The following HHAT variants were observed in gnomAD, a reference collection of about 807,000 sequenced individuals.
HHAT encodes protein-cysteine N-palmitoyltransferase HHAT.
A neutral mutation model predicts 70.8 loss-of-function variants in HHAT; 47 were observed. The observed-to-expected ratio is 0.66, with a 90% CI of 0.53 to 0.85. The LOEUF is 0.85. HHAT is among the 40% of genes least tolerant of loss of function. HHAT has a pLI of 0.00. For missense variants in HHAT, 609 were observed against 604.8 expected, an observed-to-expected ratio of 1.01 and a Z score of -0.07; for synonymous variants, 228 against 247.6, an observed-to-expected ratio of 0.92 and a Z score of 0.74.
chr1:210,604,042 C>T (rs1403100790), intron 10 of HHAT, among the ~76,000 whole-genome samples: 7 of 152,176 alleles, frequency 4.6e-5, no homozygotes, highest in African/African-American at 1.4e-4. Flanking sequence ...GTTCATCCAT[C>T]AAACTGACTG....
At chr1:210,436,259 G>C (rs1323050487) in intron 7 of HHAT, among the ~76,000 whole-genome samples, 1 of 151,600 alleles carries the variant, frequency 6.6e-6, no homozygotes, top group East Asian at 1.9e-4. Flanking sequence ...TGCTGAAAAT[G>C]AGTTCACTGT....
chr1:210,615,547 T>G (rs573038990), intron 10 of HHAT, among the ~76,000 whole-genome samples: 15 of 152,336 alleles, frequency 9.8e-5, no homozygotes, highest in African/African-American at 3.1e-4. Flanking sequence ...TTTGTTCTGT[T>G]TTTTCCCCAT....
At chr1:210,401,620 T>A (rs2092079620) in intron 5 of HHAT, among the ~76,000 whole-genome samples, 1 of 152,220 alleles carries the variant, frequency 6.6e-6, no homozygotes, top group African/African-American at 2.4e-5. Context: ...TTAGGGCTTT[T>A]GTTTGCATTA....
intron 1 of HHAT, among the ~76,000 whole-genome samples, chr1:210,331,223 T>A (rs1410467684): frequency 6.6e-6 from 1 of 151,840 alleles, no homozygotes; most frequent in African/African-American, 2.4e-5. Context: ...CCTGAGCTTG[T>A]TTTTCTGCAA....
chr1:210,402,678 AT>A (rs976661327), intron 5 of HHAT, among the ~76,000 whole-genome samples: 1 of 152,166 alleles, frequency 6.6e-6, no homozygotes, highest in African/African-American at 2.4e-5. Flanking sequence ...GCACACACCT[AT>A]CCCTTCCTCT....
chr1:210,408,328 G>A (rs183961039), intron 6 of HHAT, among the ~76,000 whole-genome samples: 8 of 152,130 alleles, frequency 5.3e-5, no homozygotes, highest in African/African-American at 9.6e-5. Flanking sequence ...AATTATAGGC[G>A]TGCACCAACG....
intron 7 of HHAT, among the ~76,000 whole-genome samples, chr1:210,418,879 A>G (rs1459083383): frequency 1.3e-5 from 2 of 152,130 alleles, no homozygotes; most frequent in East Asian, 3.8e-4. Flanking sequence ...CTAAAAATAC[A>G]AAAATTAGCT....
chr1:210,376,685 G>T (rs2090249034), intron 3 of HHAT, among the ~76,000 whole-genome samples: 1 of 152,126 alleles, frequency 6.6e-6, no homozygotes, highest in South Asian at 2.1e-4. Context: ...TGGGTTCAGG[G>T]GTGCGCTGGG....
chr1:210,572,276 G>A (rs759091903), intron 9 of HHAT, among the ~76,000 whole-genome samples: 11 of 152,196 alleles, frequency 7.2e-5, no homozygotes, highest in Non-Finnish European at 1.2e-4. Context: ...TCAGTCCGGA[G>A]AGGGAGCAGC....
At chr1:210,496,436 T>C (rs2094645654) in intron 8 of HHAT, among the ~76,000 whole-genome samples, 1 of 152,212 alleles carries the variant, frequency 6.6e-6, no homozygotes, top group African/African-American at 2.4e-5. Flanking sequence ...TAATCAACTC[T>C]GATTCTCTTC....
chr1:210,490,167 G>A (rs768346124), intron 8 of HHAT, among the ~76,000 whole-genome samples: 1 of 152,236 alleles, frequency 6.6e-6, no homozygotes, highest in Admixed American at 6.5e-5. Flanking sequence ...GTCTGATGAA[G>A]TGGTCTGGAC....
chr1:210,386,232 T>TTTTTTTTC (rs2091045317), intron 3 of HHAT, among the ~76,000 whole-genome samples: 3 of 39,278 alleles, frequency 7.6e-5, no homozygotes, highest in Non-Finnish European at 9.3e-5. Flanking sequence ...CTTTTTTTCT[T>TTTTTTTTC]TTTTTTTTTT....
chr1:210,584,872 GTC>G (rs1333050394), intron 9 of HHAT, among the ~76,000 whole-genome samples: 1 of 152,200 alleles, frequency 6.6e-6, no homozygotes, highest in Non-Finnish European at 1.5e-5. Flanking sequence ...ACAAAGTCAT[GTC>G]TGTTTCCCAT....
At chr1:210,656,975 CTT>C (rs1676566537) in intron 11 of HHAT, among the ~76,000 whole-genome samples, 2 of 152,226 alleles carry the variant, frequency 1.3e-5, no homozygotes, top group Non-Finnish European at 2.9e-5. Context: ...CCCCACACCC[CTT>C]CTTGTACAGG....
intron 7 of HHAT, among the ~76,000 whole-genome samples, chr1:210,421,465 T>C (rs2092901996): frequency 6.6e-6 from 1 of 152,162 alleles, no homozygotes; most frequent in Non-Finnish European, 1.5e-5. Flanking sequence ...TAATTATTTT[T>C]GAGACAGTCC....
chr1:210,527,511 C>T (rs1172428606), intron 9 of HHAT, among the ~76,000 whole-genome samples: 1 of 152,198 alleles, frequency 6.6e-6, no homozygotes, highest in Non-Finnish European at 1.5e-5. Flanking sequence ...GGCTGTTAGC[C>T]ATCACCATTA....
chr1:210,458,558 A>G (rs2093917032), intron 7 of HHAT, among the ~76,000 whole-genome samples: 1 of 152,176 alleles, frequency 6.6e-6, no homozygotes, highest in Non-Finnish European at 1.5e-5. Flanking sequence ...CTTTAAGGGT[A>G]ACTCTACCCT....
At chr1:210,565,629 G>A (rs1472522043) in intron 9 of HHAT, among the ~76,000 whole-genome samples, 2 of 152,138 alleles carry the variant, frequency 1.3e-5, no homozygotes, top group Non-Finnish European at 2.9e-5. Flanking sequence ...CACAAAGAAT[G>A]GACAAAGAAG....
intron 9 of HHAT, among the ~76,000 whole-genome samples, chr1:210,552,835 G>A (rs1467704699): frequency 6.6e-6 from 1 of 152,150 alleles, no homozygotes; most frequent in Non-Finnish European, 1.5e-5. Flanking sequence ...CATTCTCCTT[G>A]AGAAACCTTC....
Sources: allele counts gnomAD v4.1 joint callset (sites outside exome capture counted in the v4.1 genomes callset), GRCh38; gene constraint gnomAD v4.1.1; transcripts MANE v1.5; gene names NCBI Gene and HGNC (gene_info 2026-07-23, HGNC 2026-07-21).